CCDC178: variants seen among roughly 807,000 people sequenced by gnomAD.
CCDC178 encodes the protein coiled-coil domain-containing protein 178.
CCDC178 carries 126 observed loss-of-function variants against 117.4 expected under a neutral mutation model. The ratio of observed to expected loss-of-function variants is 1.07; its 90% CI spans 0.93 to 1.24. The LOEUF (loss-of-function observed/expected upper bound fraction) is 1.24, where lower values mean the gene tolerates loss of function less well. CCDC178 is among the 50% of genes most tolerant of loss of function. The pLI, the probability that CCDC178 is intolerant of heterozygous loss-of-function variation, is 0.00. For missense variants in CCDC178, 1,030 were observed against 986.9 expected, an observed-to-expected ratio of 1.04 and a Z score of -0.59; for synonymous variants, 283 against 313.4, an observed-to-expected ratio of 0.90 and a Z score of 1.02.
At chr18:33,299,310 CAACT>C (rs1279028337) in intron 11 of CCDC178, among the ~76,000 whole-genome samples, 1 of 152,004 alleles carries the variant, frequency 6.6e-6, no homozygotes, top group Non-Finnish European at 1.5e-5. Context: ...TATCTACAAC[CAACT>C]GATTTTTGAC....
chr18:33,092,040 G>A (rs762090350), intron 21 of CCDC178, among the ~76,000 whole-genome samples: 3 of 152,032 alleles, frequency 2.0e-5, no homozygotes, highest in Non-Finnish European at 2.9e-5. Flanking sequence ...GTAGGAGAAA[G>A]GATCAATTTG....
At chr18:33,142,866 A>T (rs1372255187) in intron 20 of CCDC178, among the ~76,000 whole-genome samples, 1 of 152,186 alleles carries the variant, frequency 6.6e-6, no homozygotes, top group Non-Finnish European at 1.5e-5. Flanking sequence ...AGTAATAGAA[A>T]ATCTTATTTT....
chr18:33,134,088 C>T (rs1247126343), intron 20 of CCDC178, among the ~76,000 whole-genome samples: 2 of 151,782 alleles, frequency 1.3e-5, no homozygotes, highest in Non-Finnish European at 2.9e-5. Context: ...GTACAAAATG[C>T]TAGAAACTCA....
At chr18:33,348,322 G>T (rs1816882931) in intron 8 of CCDC178, among the ~76,000 whole-genome samples, 2 of 151,594 alleles carry the variant, frequency 1.3e-5, no homozygotes, top group Admixed American at 1.3e-4. Flanking sequence ...TAAATACACT[G>T]AAGTAGTGTT....
chr18:33,238,065 T>C (rs1309459113), intron 15 of CCDC178, among the ~76,000 whole-genome samples: 1 of 152,208 alleles, frequency 6.6e-6, no homozygotes. Context: ...CTGAAGAAAC[T>C]ACATAGAGAC....
intron 20 of CCDC178, among the ~76,000 whole-genome samples, chr18:33,107,951 T>C (rs1413725328): frequency 6.6e-6 from 1 of 151,696 alleles, no homozygotes; most frequent in African/African-American, 2.4e-5. Flanking sequence ...AAAGATAAAA[T>C]TTTTTGAGAT....
intron 20 of CCDC178, among the ~76,000 whole-genome samples, chr18:33,124,527 C>T (rs1453634357): frequency 3.9e-5 from 6 of 152,136 alleles, no homozygotes; most frequent in Non-Finnish European, 8.8e-5. Flanking sequence ...TACTAGTTTT[C>T]CCAGAACATT....
chr18:33,439,933 A>T (rs141278922), intron 2 of CCDC178, 29 bp downstream of exon 2: 1 of 152,328 alleles, frequency 6.6e-6, no homozygotes, highest in African/African-American at 2.4e-5. Context: ...GTCAAATCAC[A>T]AATCAGCTCT....
intron 20 of CCDC178, among the ~76,000 whole-genome samples, chr18:33,164,786 T>C (rs1219032988): frequency 6.6e-6 from 1 of 152,042 alleles, no homozygotes; most frequent in African/African-American, 2.4e-5. Context: ...AATGGGAGGG[T>C]ATTTTCAGAT....
chr18:33,316,954 C>T (rs1225458654), intron 11 of CCDC178, among the ~76,000 whole-genome samples: 1 of 152,088 alleles, frequency 6.6e-6, no homozygotes, highest in Non-Finnish European at 1.5e-5. Context: ...ATTGTAAACG[C>T]ACCAATCAGC....
At chr18:32,976,167 CT>C (rs1307526635) in intron 21 of CCDC178, among the ~76,000 whole-genome samples, 1 of 151,940 alleles carries the variant, frequency 6.6e-6, no homozygotes, top group Non-Finnish European at 1.5e-5. Context: ...ATAATTTGGG[CT>C]ATTAAATTAA....
chr18:33,206,793 T>C (rs1206977705), intron 20 of CCDC178, among the ~76,000 whole-genome samples: 1 of 152,214 alleles, frequency 6.6e-6, no homozygotes, highest in East Asian at 1.9e-4. Context: ...TCTAGAACTC[T>C]CTTTTCAATG....
chr18:33,047,234 G>C (rs1187732627), intron 21 of CCDC178, among the ~76,000 whole-genome samples: 1 of 152,036 alleles, frequency 6.6e-6, no homozygotes, highest in African/African-American at 2.4e-5. Flanking sequence ...AATACAAATG[G>C]CACAATAAAG....
chr18:33,011,864 G>A (rs944760543), intron 21 of CCDC178, among the ~76,000 whole-genome samples: 14 of 148,470 alleles, frequency 9.4e-5, no homozygotes, highest in Admixed American at 2.0e-4. Context: ...TTTCCCTGTT[G>A]GAGATGATGG....
chr18:33,350,243 T>C (rs995967397), intron 7 of CCDC178, among the ~76,000 whole-genome samples: 1 of 152,106 alleles, frequency 6.6e-6, no homozygotes, highest in Non-Finnish European at 1.5e-5. Context: ...GGTTAATTCT[T>C]GGACCAGTAA....
intron 20 of CCDC178, among the ~76,000 whole-genome samples, chr18:33,165,457 G>A (rs1454707201): frequency 6.6e-6 from 1 of 152,096 alleles, no homozygotes; most frequent in Non-Finnish European, 1.5e-5. Flanking sequence ...TTGTATGTTG[G>A]GAACTTGCAT....
rs758028815 is a variant in CCDC178, at chr18:33,092,847, T to C, written c.2302A>G (p.Ile768Val). 1.3e-6 allele frequency: 2 copies of C among 1,586,000 alleles called. No individual in the cohort carries two copies. The highest frequency in any genetic ancestry group is 1.1e-5 in the South Asian group (1 of 87,674). Residue 768 changes from isoleucine (I) to valine (V), a missense_variant, in exon 21 of 23, where the codon ATT (isoleucine) becomes GTT (valine). Coordinates refer to ENST00000383096, the MANE Select transcript of CCDC178 (RefSeq NM_001105528.4). ...RLAQEYQQLQ[I>V]TFLKEKDNYF... ...TTGTCCTTTTCTTTTAAGAATGTAATCTGTAGCTGTTGATACTCTTGAGCT... is the reference window on the plus strand; with the variant it reads ...TTGTCCTTTTCTTTTAAGAATGTAACCTGTAGCTGTTGATACTCTTGAGCT...
intron 6 of CCDC178, among the ~76,000 whole-genome samples, chr18:33,357,237 G>C (rs1015815471): frequency 6.6e-6 from 1 of 152,052 alleles, no homozygotes; most frequent in African/African-American, 2.4e-5. Context: ...TTGGGCACAT[G>C]TTCCTGGGAC....
At chr18:33,050,116 T>G in intron 21 of CCDC178, among the ~76,000 whole-genome samples, 1 of 152,036 alleles carries the variant, frequency 6.6e-6, no homozygotes, top group South Asian at 2.1e-4. Context: ...ATTTTAAGAA[T>G]ACAACTAAGA....
Sources: allele counts gnomAD v4.1 joint callset (sites outside exome capture counted in the v4.1 genomes callset), GRCh38; gene constraint gnomAD v4.1.1; transcripts MANE v1.5; gene names NCBI Gene and HGNC (gene_info 2026-07-23, HGNC 2026-07-21).